EIF5B: variants seen among roughly 807,000 people sequenced by gnomAD.
EIF5B encodes the protein eIF-5B.
EIF5B carries 47 observed loss-of-function variants against 147.5 expected under a neutral mutation model. The observed-to-expected ratio is 0.32, with a 90% CI of 0.25 to 0.41. The LOEUF (loss-of-function observed/expected upper bound fraction) is 0.41. Among genes scored for constraint, EIF5B ranks in the 10% least tolerant of loss-of-function variants. The probability of loss-of-function intolerance (pLI) is 1.00; values close to 1 mark genes in which losing one functional copy is unlikely to be tolerated. For missense variants in EIF5B, 1,064 were observed against 1,413.2 expected (o/e 0.75, Z 3.96); for synonymous variants, 455 against 456.2 (o/e 1.00, Z 0.03).
chr2:99,361,474 T>A lies in EIF5B; in HGVS notation c.573T>A (p.Asp191Glu), dbSNP rs746786768. The A allele has an allele frequency of 4.3e-5, 69 of 1,613,862 alleles. No homozygotes were observed. Among genetic ancestry groups the A allele is most frequent in the Non-Finnish European group, 5.6e-5 (66 of 1,180,000 alleles). ...CTGGTGAAAGTGGTGATGAATCAGA[T>A]GAATTTTTGCAATCTAGAAAAGGAC... ...NSSGESGDES[D>E]EFLQSRKGQK... The change falls in exon 4 of 24, where the codon GAT becomes GAA. Residue 191 changes from aspartate to glutamate, a missense_variant. Physicochemically the swap from Asp to Glu is conservative, Grantham distance 45. This residue lies in a region of EIF5B where 458 missense variants were observed against 451.3 expected (regional missense o/e 1.01). Coordinates refer to ENST00000289371, the MANE Select transcript of EIF5B (RefSeq NM_015904.4).
Position 99,360,312 on chromosome 2 carries a change from C to CAAAA in EIF5B, c.113_116dup (p.Ser40LysfsTer16), listed in dbSNP as rs756731616. ...TGGTGCTGCCAAAGAACAGGAGCCT[C>CAAAA]AAAAGTCAAAAGGGAAAAAGAAAAA... On this transcript the variant is annotated frameshift_variant, in exon 2 of 24. Transcript: ENST00000289371. LOFTEE classifies it high-confidence loss of function. The CAAAA allele has an allele frequency of 4.0e-5, 64 of 1,609,274 alleles. No homozygotes were observed. Among genetic ancestry groups the CAAAA allele is most frequent in the Non-Finnish European group, 5.3e-5 (63 of 1,178,530 alleles).
At position 99,401,180 on chromosome 2, in the gene EIF5B, C is replaced by T; in HGVS notation, c.*1766C>T. ...CCGAGCATTACTATCATGCACTTTG[C>T]AAATACCTCACAAGCACTTATGGCA... On this transcript the variant is annotated 3_prime_UTR_variant, in exon 24 of 24. Transcript: ENST00000289371. The T allele has an allele frequency of 9.8e-7, 1 of 1,019,750 alleles. No homozygotes were observed. The highest frequency in any genetic ancestry group is 1.5e-6 in the Non-Finnish European group (1 of 649,350). The allele number at this position is 1,019,750 out of a possible 1,614,324, so 63.2% of individuals were successfully genotyped here.
chr2:99,391,824 G>A (rs978875415), intron 17 of EIF5B, among the ~76,000 whole-genome samples: 1 of 147,616 alleles, frequency 6.8e-6, no homozygotes, highest in Non-Finnish European at 1.5e-5. Context: ...CAACCTCCCC[G>A]GGGTTCAGGT....
At chr2:99,354,995 A>C (rs921734587) in intron 1 of EIF5B, among the ~76,000 whole-genome samples, 1 of 151,700 alleles carries the variant, frequency 6.6e-6, no homozygotes, top group Non-Finnish European at 1.5e-5. Flanking sequence ...GTAGAGACGG[A>C]GTTTTACCAT....
intron 14 of EIF5B, among the ~76,000 whole-genome samples, chr2:99,386,468 C>CGTGTGTGTGTGT (rs61494312): frequency 1.6e-4 from 23 of 142,482 alleles, no homozygotes; most frequent in African/African-American, 5.9e-4. Flanking sequence ...TTTTGTTTTG[C>CGTGTGTGTGTGT]GTGTGTGTGT....
intron 18 of EIF5B, among the ~76,000 whole-genome samples, chr2:99,393,606 A>G (rs1674981998): frequency 6.6e-6 from 1 of 152,200 alleles, no homozygotes; most frequent in African/African-American, 2.4e-5. Flanking sequence ...CCAAAGAGAA[A>G]ATACAACTGT....
chr2:99,351,259 T>C (rs1673946706), intron 1 of EIF5B, among the ~76,000 whole-genome samples: 1 of 152,258 alleles, frequency 6.6e-6, no homozygotes. Flanking sequence ...TTGAGATTCA[T>C]CTATGTTAGT....
chr2:99,401,069 T>C lies in EIF5B; in HGVS notation c.*1655T>C. The C allele has an allele frequency of 2.2e-6, 1 of 457,286 alleles. No individual in the cohort carries two copies. The highest frequency in any genetic ancestry group is 3.5e-5 in the Admixed American group (1 of 28,974). 28.3% of individuals were successfully genotyped at this position (457,286 alleles called of 1,614,324 possible). On this transcript the variant is annotated 3_prime_UTR_variant, in exon 24 of 24. Coordinates refer to ENST00000289371, the MANE Select transcript of EIF5B (RefSeq NM_015904.4). Reference sequence around the variant, plus strand: ...CAGTAAAATAATTAACACAATTATTTACATGCAATACTGACAAATTTGGCA... The same window carrying C: ...CAGTAAAATAATTAACACAATTATTCACATGCAATACTGACAAATTTGGCA...
rs764503805 is a variant in EIF5B at position 99,364,262 on chromosome 2, C to G, written c.1138-9C>G. Reference sequence around the variant, plus strand: ...ATACAGGTTTTGTCTGACATGTACTCTTTTATAGGAACGATTGGAACAAGA... The same window carrying G: ...ATACAGGTTTTGTCTGACATGTACTGTTTTATAGGAACGATTGGAACAAGA... On this transcript the variant is annotated splice_polypyrimidine_tract_variant and intron_variant, in intron 5 of 23. Coordinates refer to ENST00000289371, the MANE Select transcript of EIF5B (RefSeq NM_015904.4). 5 of 1,583,666 alleles carry G rather than the reference C, an allele frequency of 3.2e-6. No individual in the cohort carries two copies. The highest frequency in any genetic ancestry group is 2.4e-5 in the South Asian group (2 of 85,052).
rs758581708 is a variant in EIF5B at position 99,376,600 on chromosome 2, A to G, written c.1806A>G (p.Glu602=). 1.2e-5 allele frequency: 19 copies of G among 1,611,868 alleles called. No individual in the cohort carries two copies. Among genetic ancestry groups the G allele is most frequent in the Non-Finnish European group, 1.5e-5 (18 of 1,179,462 alleles). Residue 602 remains glutamate (E), a synonymous_variant, in exon 10 of 24, where the codon GAA becomes GAG. Transcript: ENST00000289371. ...EYDSDDDRTK[E]ERAYDKAKRR... is the part of the protein sequence containing the mutation. Reference sequence around the variant, plus strand: ...ACTCTGATGATGATCGGACTAAAGAAGAAAGGGCTTATGACAAAGCAAAAC... The same window carrying G: ...ACTCTGATGATGATCGGACTAAAGAGGAAAGGGCTTATGACAAAGCAAAAC...
intron 4 of EIF5B, 38 bp downstream of exon 4, chr2:99,361,858 T>C (rs772075015): frequency 6.7e-7 from 1 of 1,484,850 alleles, no homozygotes; most frequent in Non-Finnish European, 8.9e-7. Flanking sequence ...AAAAGGCTTT[T>C]GATTCACAGT....
chr2:99,380,541 C>T (rs182663995), intron 12 of EIF5B, among the ~76,000 whole-genome samples: 46 of 152,222 alleles, frequency 3.0e-4, no homozygotes, highest in Admixed American at 1.6e-3. Flanking sequence ...AGGATGTTCC[C>T]GGCTCATGTA....
chr2:99,365,717 C>CAAAATCCCATGGTATACAATTTCTGTTG (rs1559250106), intron 6 of EIF5B, among the ~76,000 whole-genome samples: 2 of 152,138 alleles, frequency 1.3e-5, no homozygotes, highest in East Asian at 3.9e-4. Context: ...AAGAGATGCT[C>CAAAATCCCATGGTATACAATTTCTGTTG]TCTCAAGTGG....
intron 14 of EIF5B, among the ~76,000 whole-genome samples, chr2:99,384,462 A>AT (rs1674757650): frequency 6.6e-6 from 1 of 152,214 alleles, no homozygotes; most frequent in South Asian, 2.1e-4. Flanking sequence ...CAGCTCATGG[A>AT]TCAAGGAGTG....
chr2:99,361,437 G>T lies in EIF5B; in HGVS notation c.536G>T (p.Arg179Ile). The T allele has an allele frequency of 6.2e-7, 1 of 1,613,926 alleles. No homozygotes were observed. Among genetic ancestry groups the T allele is most frequent in the Non-Finnish European group, 8.5e-7 (1 of 1,179,982 alleles). The change falls in exon 4 of 24, where the codon AGA becomes ATA. Residue 179 changes from arginine to isoleucine, a missense_variant. Transcript: ENST00000289371. ...DNSKKIKERS[R>I]INSSGESGDE... ...AGTAAAAAAATTAAAGAGCGTTCAA[G>T]AATAAATTCTTCTGGTGAAAGTGGT...
At chr2:99,341,671 G>T (rs1242180364) in intron 1 of EIF5B, among the ~76,000 whole-genome samples, 1 of 152,168 alleles carries the variant, frequency 6.6e-6, no homozygotes, top group African/African-American at 2.4e-5. Context: ...TTCTGTGTAT[G>T]TAGGTTATAT....
intron 8 of EIF5B, 67 bp from the exon 9 acceptor site, chr2:99,371,588 CT>C: frequency 7.3e-7 from 1 of 1,363,774 alleles, no homozygotes; most frequent in Non-Finnish European, 9.9e-7. Context: ...TAATTTTTTA[CT>C]TTTTTCTAAA....
chr2:99,363,996 C>G, intron 5 of EIF5B, 134 bp downstream of exon 5: 2 of 1,063,278 alleles, frequency 1.9e-6, no homozygotes, highest in East Asian at 5.0e-5. Context: ...TGTTCCGATA[C>G]AAATAATAAG....
At position 99,338,515 on chromosome 2, in the gene EIF5B, A is replaced by G. The variant is rs1374265412; in HGVS notation, c.35+926A>G. The stretch of plus-strand genomic sequence containing the variant: ...AGTTCATCAGTCTGACTCAAAACAG[A>G]TATGTTGTCTTGAAGTTAAAATAAG... On this transcript the variant is annotated intron_variant, in intron 1 of 23. Transcript: ENST00000289371. The G allele has an allele frequency of 3.0e-5, 11 of 362,988 alleles. No homozygotes were observed. In the East Asian group the frequency reaches 6.4e-4, roughly 21 times the overall value. The allele number at this position is 362,988 out of a possible 1,614,324, so 22.5% of individuals were successfully genotyped here.
Sources: allele counts gnomAD v4.1 joint callset (sites outside exome capture counted in the v4.1 genomes callset), GRCh38; gene constraint gnomAD v4.1.1; regional missense constraint gnomAD v4.1.1; transcripts MANE v1.5; gene names NCBI Gene and HGNC (gene_info 2026-07-23, HGNC 2026-07-21).